GLIS3: variants seen among roughly 807,000 people sequenced by gnomAD.
GLIS3 encodes GLIS family zinc finger 3.
A neutral mutation model predicts 78.6 loss-of-function variants in GLIS3; 53 were observed. That is an observed-to-expected ratio of 0.67 (90% CI 0.54 to 0.85). The LOEUF is 0.85. Among genes scored for constraint, GLIS3 ranks in the 40% least tolerant of loss-of-function variants. The pLI is 0.00. For missense variants in GLIS3, 1,703 were observed against 1,231.1 expected (o/e 1.38, Z -5.74); for synonymous variants, 684 against 509.9 (o/e 1.34, Z -4.60).
At chr9:4,234,606 C>G (rs1822550204) in intron 2 of GLIS3, among the ~76,000 whole-genome samples, 1 of 152,134 alleles carries the variant, frequency 6.6e-6, no homozygotes, top group Non-Finnish European at 1.5e-5. Flanking sequence ...TGAAATATTA[C>G]TAGAATTATC....
At chr9:4,238,379 C>G (rs1196129675) in intron 2 of GLIS3, among the ~76,000 whole-genome samples, 1 of 152,156 alleles carries the variant, frequency 6.6e-6, no homozygotes, top group East Asian at 1.9e-4. Context: ...ATACTCCATT[C>G]TATTTGAGAA....
At position 4,183,744 on chromosome 9, in the gene GLIS3, G is replaced by T. The variant is rs189923073; in HGVS notation, c.389-57803C>A. ...ACTTTCAACTAGACTAGCTTTACAT[G>T]ACAACTGATTAAAGAGTTCTTTCTA... On this transcript the variant is annotated intron_variant, in intron 2 of 10. Coordinates refer to ENST00000381971, the MANE Select transcript of GLIS3 (RefSeq NM_001042413.2). Among the ~76,000 whole-genome samples, 3 of 152,300 alleles carry T rather than the reference G, an allele frequency of 2.0e-5. No homozygotes were observed. In the East Asian group the frequency reaches 5.8e-4, roughly 29 times the overall value.
rs145357845 is a variant in GLIS3 at position 3,850,805 on chromosome 9, C to T, written c.2473+5204G>A. 9.8e-5 allele frequency among the ~76,000 whole-genome samples: 15 copies of T among 152,298 alleles called. 1 individual carries two copies. Among genetic ancestry groups the T allele is most frequent in the South Asian group, 6.2e-4 (3 of 4,824 alleles). On this transcript the variant is annotated intron_variant, in intron 9 of 10. Transcript: ENST00000381971. ...TGACTCTTCCCTCTGTGCACACACA[C>T]GCCACGGTGTCATTTCCGTTCTCAC...
intron 2 of GLIS3, among the ~76,000 whole-genome samples, chr9:4,254,213 T>A (rs1275147064): frequency 1.3e-5 from 2 of 152,218 alleles, no homozygotes; most frequent in African/African-American, 4.8e-5. Flanking sequence ...ATTAAAGCCC[T>A]GTTTAATAAC....
rs551179984 is a variant in GLIS3 at position 3,919,013 on chromosome 9, G to C, written c.1983+13347C>G. On this transcript the variant is annotated intron_variant, in intron 6 of 10. Coordinates refer to ENST00000381971, the MANE Select transcript of GLIS3 (RefSeq NM_001042413.2). Reference sequence around the variant, plus strand: ...CATATATGGAAGAGGGTGGGAAAGTGCCCTGAAGGATGGAATGGGGGACAG... The same window carrying C: ...CATATATGGAAGAGGGTGGGAAAGTCCCCTGAAGGATGGAATGGGGGACAG... Among the ~76,000 whole-genome samples, 11 of 152,306 alleles carry C rather than the reference G, an allele frequency of 7.2e-5. No homozygotes were observed. In the South Asian group the frequency reaches 2.1e-3, roughly 29 times the overall value.
At chr9:4,435,058 C>T in the GLIS3 span, among the ~76,000 whole-genome samples, 2 of 152,194 alleles carry the variant, frequency 1.3e-5, no homozygotes, top group Admixed American at 6.5e-5. Flanking sequence ...ACAGCAGAAG[C>T]TTCAACGTTT....
At chr9:4,210,858 T>C (rs922285723) in intron 2 of GLIS3, among the ~76,000 whole-genome samples, 1 of 152,264 alleles carries the variant, frequency 6.6e-6, no homozygotes, top group Non-Finnish European at 1.5e-5. Context: ...ACTTGGAATG[T>C]CTGCCATTTT....
chr9:4,344,044 G>C (rs978521637), intron 2 of GLIS3, among the ~76,000 whole-genome samples: 6 of 152,050 alleles, frequency 3.9e-5, no homozygotes, highest in African/African-American at 1.4e-4. Context: ...TAACAAACCT[G>C]CACATGTACT....
chr9:3,915,148 G>C (rs528208402), intron 6 of GLIS3, among the ~76,000 whole-genome samples: 4 of 152,256 alleles, frequency 2.6e-5, no homozygotes, highest in African/African-American at 9.6e-5. Context: ...GACTCTCCTA[G>C]AGCCTTCCTA....
chr9:4,316,351 G>A (rs930120812), intron 2 of GLIS3, among the ~76,000 whole-genome samples: 1 of 152,132 alleles, frequency 6.6e-6, no homozygotes, highest in Non-Finnish European at 1.5e-5. Context: ...TTTTTTGTGG[G>A]TCCTTAACTG....
chr9:4,274,676 G>C (rs1457597752), intron 2 of GLIS3, among the ~76,000 whole-genome samples: 2 of 152,206 alleles, frequency 1.3e-5, no homozygotes, highest in Non-Finnish European at 2.9e-5. Flanking sequence ...AGAATGCCAA[G>C]AAGGTGACCA....
intron 2 of GLIS3, among the ~76,000 whole-genome samples, chr9:4,202,508 C>G (rs1467793448): frequency 6.6e-6 from 1 of 151,258 alleles, no homozygotes; most frequent in Admixed American, 6.6e-5. Context: ...CCCAAACAGC[C>G]AAAGCAATGC....
At chr9:3,975,466 C>T (rs1017747917) in intron 4 of GLIS3, among the ~76,000 whole-genome samples, 1 of 152,032 alleles carries the variant, frequency 6.6e-6, no homozygotes, top group African/African-American at 2.4e-5. Flanking sequence ...TAACCTTGGG[C>T]GATTTGACTT....
At chr9:4,374,609 G>C in the GLIS3 span, among the ~76,000 whole-genome samples, 1 of 152,160 alleles carries the variant, frequency 6.6e-6, no homozygotes, top group Non-Finnish European at 1.5e-5. Context: ...CCTCCTCTGT[G>C]TGGTTCCGAC....
chr9:4,125,819 C>G lies in GLIS3; in HGVS notation c.511G>C (p.Val171Leu). The change falls in exon 3 of 11, where the codon GTC becomes CTC. Residue 171 changes from valine (V) to leucine (L), a missense_variant. Transcript: ENST00000381971. ...CTGATCTGGTTGCATGCTGTAGAGA[C>G]CTGGCTTGCTGGAGGTGAAATGAGT... is the stretch of plus-strand genomic sequence containing the variant. ...LGLISPPASQ[V>L]STACNQISPS... 3 of 1,614,080 alleles carry G rather than the reference C, an allele frequency of 1.9e-6. No individual in the cohort carries two copies. The highest frequency in any genetic ancestry group is 1.3e-5 in the African/African-American group (1 of 75,000).
chr9:4,339,732 T>G (rs1402055850), intron 2 of GLIS3, among the ~76,000 whole-genome samples: 2 of 97,618 alleles, frequency 2.0e-5, no homozygotes, highest in Non-Finnish European at 2.0e-5. Flanking sequence ...TTGGGAAGTT[T>G]GGTACAAAAG....
At chr9:4,314,055 C>T (rs575634613) in intron 2 of GLIS3, among the ~76,000 whole-genome samples, 8 of 152,270 alleles carry the variant, frequency 5.3e-5, no homozygotes, top group African/African-American at 1.9e-4. Flanking sequence ...CCAACTCTAG[C>T]GTTTATTAGC....
chr9:3,970,273 T>C (rs955153964), intron 4 of GLIS3, among the ~76,000 whole-genome samples: 2 of 152,164 alleles, frequency 1.3e-5, no homozygotes, highest in East Asian at 1.9e-4. Context: ...GGGATTAAAA[T>C]AGTCATAAAC....
chr9:3,991,909 C>G (rs1459267873), intron 4 of GLIS3, among the ~76,000 whole-genome samples: 3 of 151,968 alleles, frequency 2.0e-5, no homozygotes, highest in Non-Finnish European at 2.9e-5. Context: ...CCAGGACAGT[C>G]TTGATCTCCT....
Sources: gnomAD v4.1 joint callset for allele counts (sites outside exome capture counted in the v4.1 genomes callset) on GRCh38, gnomAD v4.1.1 for gene constraint, MANE v1.5 for transcripts, NCBI Gene and HGNC (gene_info 2026-07-23, HGNC 2026-07-21) for gene names.